Variants in DLST observed in about 807,000 individuals in gnomAD.
The protein encoded by DLST is dihydrolipoyllysine-residue succinyltransferase component of 2-oxoglutarate dehydrogenase complex, mitochondrial.
DLST carries 17 observed loss-of-function variants against 53.1 expected under a neutral mutation model. The observed-to-expected ratio is 0.32, with a 90% CI of 0.22 to 0.48. The LOEUF is 0.48. Among genes scored for constraint, DLST ranks in the 20% least tolerant of loss-of-function variants. The pLI, the probability that DLST is intolerant of heterozygous loss-of-function variation, is 0.99. For synonymous variants in DLST, 206 were observed against 204.8 expected, an observed-to-expected ratio of 1.01 and a Z score of -0.05; for missense variants, 512 against 583.9, an observed-to-expected ratio of 0.88 and a Z score of 1.27.
chr14:74,883,988 C>A (rs1028640556), intron 2 of DLST, among the ~76,000 whole-genome samples: 2 of 152,048 alleles, frequency 1.3e-5, no homozygotes, highest in South Asian at 4.1e-4. Context: ...TTGGTTACTA[C>A]GAGAGAGGAA....
intron 1 of DLST, among the ~76,000 whole-genome samples, chr14:74,882,223 C>A (rs1314135235): frequency 6.6e-6 from 1 of 152,206 alleles, no homozygotes; most frequent in African/African-American, 2.4e-5. Context: ...CTTCTCCAGG[C>A]AGCCTGCGGG....
chr14:74,900,304 G>A lies in DLST; in HGVS notation c.991G>A (p.Val331Ile). The A allele has an allele frequency of 6.2e-7, 1 of 1,614,020 alleles. No individual in the cohort carries two copies. Among genetic ancestry groups the A allele is most frequent in the Non-Finnish European group, 8.5e-7 (1 of 1,179,932 alleles). The stretch of plus-strand genomic sequence containing the variant: ...CCCCCTTCAGGGTCTGGTGGTTCCA[G>A]TCATCAGGAATGTGGAAGCTATGAA... Reference protein sequence around the residue: ...VATPRGLVVPVIRNVEAMNFA... With the variant: ...VATPRGLVVPIIRNVEAMNFA... The change falls in exon 13 of 15, where the codon GTC (valine) becomes ATC (isoleucine). Residue 331 changes from valine to isoleucine, a missense_variant. Physicochemically the swap from Val to Ile is conservative, Grantham distance 29 (BLOSUM62 3). Transcript: ENST00000334220.
chr14:74,889,235 A>G, intron 4 of DLST, 40 bp from the exon 5 acceptor site: 1 of 1,607,720 alleles, frequency 6.2e-7, no homozygotes, highest in Non-Finnish European at 8.5e-7. Context: ...AAAAAGGAAA[A>G]ATGAACTACT....
At chr14:74,892,513 T>G (rs1594876917) in intron 7 of DLST, among the ~76,000 whole-genome samples, 1 of 67,034 alleles carries the variant, frequency 1.5e-5, no homozygotes, top group African/African-American at 5.6e-5. Flanking sequence ...TGCCTAGGTG[T>G]TTTTTTTTTT....
chr14:74,891,612 A>G, intron 7 of DLST: 2 of 987,712 alleles, frequency 2.0e-6, no homozygotes, highest in Non-Finnish European at 2.4e-6. Flanking sequence ...CTGTTCTCTC[A>G]TATCTCTAGG....
In DLST at chr14:74,891,178, TCTC is replaced by T; in HGVS notation, c.442+14_442+16del. Reference sequence around the variant, plus strand: ...TCAGGAAAACTGGTGGTAAAGAAGTTCTCCTGGTGGTCAAGGTCTCCAGTGTTC... The same window carrying T: ...TCAGGAAAACTGGTGGTAAAGAAGTTCTGGTGGTCAAGGTCTCCAGTGTTC... On this transcript the variant is annotated intron_variant, in intron 7 of 14. Transcript: ENST00000334220. The T allele has an allele frequency of 3.1e-6, 5 of 1,613,992 alleles. No homozygotes were observed. Among genetic ancestry groups the T allele is most frequent in the African/African-American group, 1.3e-5 (1 of 75,020 alleles).
At position 74,900,318 on chromosome 14, in the gene DLST, G is replaced by T; in HGVS notation, c.1005G>T (p.Val335=). The T allele has an allele frequency of 6.2e-7, 1 of 1,614,000 alleles. No homozygotes were observed. Among genetic ancestry groups the T allele is most frequent in the South Asian group, 1.1e-5 (1 of 91,064 alleles). The part of the protein sequence containing the change: ...RGLVVPVIRN[V]EAMNFADIER... ...TGGTGGTTCCAGTCATCAGGAATGTGGAAGCTATGAATTTTGCAGATATTG... is the reference window on the plus strand; with the variant it reads ...TGGTGGTTCCAGTCATCAGGAATGTTGAAGCTATGAATTTTGCAGATATTG... Residue 335 remains valine, a synonymous_variant, in exon 13 of 15, where the codon GTG becomes GTT. Coordinates refer to ENST00000334220, the MANE Select transcript of DLST (RefSeq NM_001933.5).
chr14:74,889,812 A>G, intron 5 of DLST, 85 bp from the exon 6 acceptor site: 3 of 1,388,948 alleles, frequency 2.2e-6, no homozygotes, highest in Non-Finnish European at 2.0e-6. Context: ...AAGGGTTCTT[A>G]TAACATACCT....
At position 74,881,944 on chromosome 14, in the gene DLST, C is replaced by T. The variant is rs750745041; in HGVS notation, c.-10C>T. 1.6e-4 allele frequency: 240 copies of T among 1,546,646 alleles called. 2 individuals carry two copies. Among genetic ancestry groups the T allele is most frequent in the Middle Eastern group, 1.4e-3 (8 of 5,648 alleles). The stretch of plus-strand genomic sequence containing the variant: ...TCCGGTGTCCGCCCGCCCTCGGCTC[C>T]TCCGCCGTGATGCTGTCCCGATCCC... On this transcript the variant is annotated 5_prime_UTR_variant, in exon 1 of 15. Transcript: ENST00000334220.
intron 5 of DLST, 82 bp from the exon 6 acceptor site, chr14:74,889,815 A>G: frequency 7.1e-7 from 1 of 1,416,140 alleles, no homozygotes; most frequent in Non-Finnish European, 9.9e-7. Flanking sequence ...GGTTCTTATA[A>G]CATACCTGCC....
At chr14:74,885,970 A>G (rs1293240683) in intron 3 of DLST, 1 of 223,104 alleles carries the variant, frequency 4.5e-6, no homozygotes, top group Non-Finnish European at 8.8e-6. Context: ...GCTCGAGGTT[A>G]CATTTATTGT....
chr14:74,898,816 C>T (rs1189249450), intron 11 of DLST, among the ~76,000 whole-genome samples: 1 of 151,906 alleles, frequency 6.6e-6, no homozygotes, highest in East Asian at 1.9e-4. Context: ...TGGCTTCCTC[C>T]CCTCCCCCAG....
In DLST at chr14:74,881,947, C is replaced by A. The variant is rs201221488; in HGVS notation, c.-7C>A. On this transcript the variant is annotated 5_prime_UTR_variant, in exon 1 of 15. Coordinates refer to ENST00000334220, the MANE Select transcript of DLST (RefSeq NM_001933.5). ...GGTGTCCGCCCGCCCTCGGCTCCTC[C>A]GCCGTGATGCTGTCCCGATCCCGCT... is the stretch of plus-strand genomic sequence containing the variant. 6.4e-4 allele frequency: 985 copies of A among 1,549,900 alleles called. 17 individuals are homozygous for A. The East Asian group carries it at 0.024, about 38-fold the overall frequency.
chr14:74,900,175 ACT>A, intron 12 of DLST, 112 bp from the exon 13 acceptor site: 1 of 1,148,136 alleles, frequency 8.7e-7, no homozygotes, highest in Non-Finnish European at 1.3e-6. Flanking sequence ...TGTTAATCAC[ACT>A]GAGTAATGAA....
At chr14:74,885,526 C>A in intron 2 of DLST, 60 bp from the exon 3 acceptor site, 1 of 1,566,608 alleles carries the variant, frequency 6.4e-7, no homozygotes, top group African/African-American at 1.4e-5. Context: ...TTTTCCATTC[C>A]CAGCATGTAT....
chr14:74,901,232 A>C lies in DLST; in HGVS notation c.1226A>C (p.Lys409Thr). ...IFDRPVAIGG[K>T]VEVRPMMYVA... The stretch of plus-strand genomic sequence containing the variant: ...GACAGGCCAGTGGCTATAGGAGGCA[A>C]GGTAGGAACCGTCACTTCTAAGGTC... Residue 409 changes from lysine (K) to threonine (T), a missense_variant and splice_region_variant, in exon 14 of 15, where the codon AAG (lysine) becomes ACG (threonine). Transcript: ENST00000334220. The C allele has an allele frequency of 3.7e-6, 6 of 1,613,756 alleles. No individual in the cohort carries two copies. Among genetic ancestry groups the C allele is most frequent in the Non-Finnish European group, 5.1e-6 (6 of 1,179,866 alleles).
At chr14:74,894,848 G>A (rs900342908) in intron 10 of DLST, among the ~76,000 whole-genome samples, 4 of 151,998 alleles carry the variant, frequency 2.6e-5, no homozygotes, top group Non-Finnish European at 5.9e-5. Context: ...CGCCTGGCCT[G>A]TTTATTGTTA....
At chr14:74,892,667 A>T (rs1883948812) in intron 7 of DLST, among the ~76,000 whole-genome samples, 167 bp from the exon 8 acceptor site, 1 of 152,156 alleles carries the variant, frequency 6.6e-6, no homozygotes, top group African/African-American at 2.4e-5. Context: ...AGGACTAGAG[A>T]ATAGTGCCTT....
At chr14:74,884,251 A>G (rs1298026513) in intron 2 of DLST, among the ~76,000 whole-genome samples, 1 of 152,222 alleles carries the variant, frequency 6.6e-6, no homozygotes, top group African/African-American at 2.4e-5. Context: ...AGGATCGCGT[A>G]AAGTGTGGAC....
Sources: gnomAD v4.1 joint callset for allele counts (sites outside exome capture counted in the v4.1 genomes callset) on GRCh38, gnomAD v4.1.1 for gene constraint, MANE v1.5 for transcripts, NCBI Gene and HGNC (gene_info 2026-07-23, HGNC 2026-07-21) for gene names.